Variants in TENM4 observed in about 807,000 individuals in gnomAD.
The protein encoded by TENM4 is teneurin-4.
A neutral mutation model predicts 243.3 loss-of-function variants in TENM4; 82 were observed. That is an observed-to-expected ratio of 0.34 (90% confidence interval 0.28 to 0.40). The LOEUF is 0.40. Among genes scored for constraint, TENM4 ranks in the 10% least tolerant of loss-of-function variants. The pLI, the probability that TENM4 is intolerant of heterozygous loss-of-function variation, is 1.00. For missense variants in TENM4, 3,138 were observed against 3,673.3 expected (o/e 0.85, Z 3.77); for synonymous variants, 1,412 against 1,456.3 (o/e 0.97, Z 0.69).
chr11:78,701,551 C>T lies in TENM4; in HGVS notation c.5062G>A (p.Glu1688Lys). 1 of 1,594,398 alleles carries T rather than the reference C, an allele frequency of 6.3e-7. No homozygotes were observed. Among genetic ancestry groups the T allele is most frequent in the Non-Finnish European group, 8.6e-7 (1 of 1,164,856 alleles). Residue 1688 changes from glutamate (E) to lysine (K), a missense_variant, in exon 28 of 34, where the codon GAA becomes AAA. Physicochemically the swap from Glu to Lys is moderately conservative, Grantham distance 56 (BLOSUM62 1). Around this residue, in one of 2 missense-constraint regions of TENM4, gnomAD observed 2,467 missense variants for 3,059.1 expected, o/e 0.81. Transcript: ENST00000278550. ...NSGLLATKSN[E>K]NGWTTFYEYD... ...TCATAAAATGTTGTCCATCCGTTTT[C>T]ATTGCTTTTGGTTGCCAGAAGGCCG...
chr11:79,091,069 T>C (rs1275131458), intron 4 of TENM4, among the ~76,000 whole-genome samples: 6 of 152,030 alleles, frequency 3.9e-5, no homozygotes, highest in Non-Finnish European at 8.8e-5. Flanking sequence ...AAGGAGTAGG[T>C]TGTTAGGTTT....
At chr11:79,293,598 G>C (rs1856393610) in intron 2 of TENM4, among the ~76,000 whole-genome samples, 1 of 152,068 alleles carries the variant, frequency 6.6e-6, no homozygotes, top group South Asian at 2.1e-4. Context: ...TATGGTAGGT[G>C]CTTCATAAAT....
At chr11:79,163,978 GTATA>G (rs1862825918) in intron 3 of TENM4, among the ~76,000 whole-genome samples, 1 of 126,702 alleles carries the variant, frequency 7.9e-6, no homozygotes, top group African/African-American at 3.1e-5. Context: ...TATATATAGT[GTATA>G]TATAGTGTAT....
intron 12 of TENM4, among the ~76,000 whole-genome samples, chr11:78,819,684 T>G (rs1484434016): frequency 6.6e-6 from 1 of 152,096 alleles, no homozygotes; most frequent in East Asian, 1.9e-4. Context: ...ACTCTCATTC[T>G]CTCCTTTCTG....
At chr11:79,403,605 T>C (rs1858505874) in intron 1 of TENM4, among the ~76,000 whole-genome samples, 1 of 152,188 alleles carries the variant, frequency 6.6e-6, no homozygotes, top group Non-Finnish European at 1.5e-5. Flanking sequence ...TCCACTGTCA[T>C]GTAATTGCCA....
At chr11:78,673,298 A>T (rs529495701) in intron 30 of TENM4, among the ~76,000 whole-genome samples, 1 of 152,172 alleles carries the variant, frequency 6.6e-6, no homozygotes, top group Non-Finnish European at 1.5e-5. Context: ...AAATATTGCC[A>T]GGTATTCTGG....
intron 6 of TENM4, among the ~76,000 whole-genome samples, chr11:79,050,030 C>A (rs1193129782): frequency 6.6e-6 from 1 of 152,144 alleles, no homozygotes; most frequent in Non-Finnish European, 1.5e-5. Flanking sequence ...ACTTATTGAA[C>A]CTTGGGCACA....
intron 17 of TENM4, among the ~76,000 whole-genome samples, chr11:78,775,399 G>A (rs563178134): frequency 1.2e-4 from 18 of 152,358 alleles, no homozygotes; most frequent in African/African-American, 4.1e-4. Context: ...TGAAGCAGGT[G>A]TTCTCAGGGA....
intron 26 of TENM4, among the ~76,000 whole-genome samples, chr11:78,709,134 A>ATT (rs372114866): frequency 0.011 from 1,353 of 126,080 alleles, 37 homozygotes; most frequent in African/African-American, 0.033. Context: ...TGCCTGGCTA[A>ATT]TTTTTTTTTT....
intron 1 of TENM4, among the ~76,000 whole-genome samples, chr11:79,355,974 C>T (rs1329661595): frequency 1.3e-5 from 2 of 152,106 alleles, no homozygotes; most frequent in Non-Finnish European, 2.9e-5. Context: ...TTTGAGGGGC[C>T]CAAGGCAGAA....
chr11:79,182,051 A>G (rs1038765379), intron 3 of TENM4, among the ~76,000 whole-genome samples: 1 of 152,118 alleles, frequency 6.6e-6, no homozygotes, highest in Non-Finnish European at 1.5e-5. Context: ...TGCAATCCCA[A>G]TCAAAATCCC....
chr11:78,985,933 C>T (rs991576540), intron 6 of TENM4, among the ~76,000 whole-genome samples: 20 of 152,292 alleles, frequency 1.3e-4, no homozygotes, highest in African/African-American at 4.1e-4. Context: ...CATGCCCTCC[C>T]GTGTGCATTC....
At chr11:79,389,873 G>A (rs115709077) in intron 1 of TENM4, among the ~76,000 whole-genome samples, 1,626 of 152,296 alleles carry the variant, frequency 0.011, 30 homozygotes, top group African/African-American at 0.037. Context: ...TCACATAGTA[G>A]ACTCAATTTC....
intron 1 of TENM4, among the ~76,000 whole-genome samples, chr11:79,352,556 A>G (rs1178933806): frequency 1.3e-5 from 2 of 152,208 alleles, no homozygotes; most frequent in Admixed American, 6.5e-5. Flanking sequence ...GATTTGTGCC[A>G]GTTGCTGACA....
At chr11:78,826,235 G>C (rs113104485) in intron 12 of TENM4, among the ~76,000 whole-genome samples, 4,056 of 151,992 alleles carry the variant, frequency 0.027, 78 homozygotes, top group African/African-American at 0.054. Context: ...TTACAGGCAT[G>C]TGCCACCACG....
At chr11:78,692,499 A>T (rs1238404077) in intron 28 of TENM4, among the ~76,000 whole-genome samples, 1 of 152,154 alleles carries the variant, frequency 6.6e-6, no homozygotes, top group Non-Finnish European at 1.5e-5. Flanking sequence ...ACTTAAAATG[A>T]AAGGGAAACT....
At chr11:78,830,738 C>A (rs1268386512) in intron 12 of TENM4, among the ~76,000 whole-genome samples, 1 of 152,188 alleles carries the variant, frequency 6.6e-6, no homozygotes, top group South Asian at 2.1e-4. Flanking sequence ...GAAATCCCAA[C>A]CTTCACACTC....
intron 4 of TENM4, among the ~76,000 whole-genome samples, chr11:79,070,436 G>C (rs1029584727): frequency 2.6e-4 from 39 of 152,132 alleles, no homozygotes; most frequent in African/African-American, 8.4e-4. Flanking sequence ...ACTGGGGTAA[G>C]CACTTTGCAT....
chr11:79,413,073 T>C (rs1001655963), intron 1 of TENM4, among the ~76,000 whole-genome samples: 5 of 152,236 alleles, frequency 3.3e-5, no homozygotes, highest in Non-Finnish European at 7.3e-5. Context: ...CAAATCAGGC[T>C]ACTGCAAATA....
Sources: allele counts gnomAD v4.1 joint callset (sites outside exome capture counted in the v4.1 genomes callset), GRCh38; gene constraint gnomAD v4.1.1; regional missense constraint gnomAD v4.1.1; transcripts MANE v1.5; gene names NCBI Gene and HGNC (gene_info 2026-07-23, HGNC 2026-07-21).